WASF3: variants seen among roughly 807,000 people sequenced by gnomAD.
WASF3 encodes the protein WASP family member 3.
A neutral mutation model predicts 46.6 loss-of-function variants in WASF3; 11 were observed. The observed-to-expected ratio is 0.24, with a 90% CI of 0.15 to 0.39. WASF3 has a LOEUF of 0.39. Among genes scored for constraint, WASF3 ranks in the 10% least tolerant of loss-of-function variants. WASF3 has a pLI of 1.00. For missense variants in WASF3, 576 were observed against 669.8 expected (o/e 0.86, Z 1.55); for synonymous variants, 242 against 259.7 (o/e 0.93, Z 0.65).
chr13:26,672,559 A>T (rs9512324), intron 6 of WASF3, among the ~76,000 whole-genome samples: 1 of 151,926 alleles, frequency 6.6e-6, no homozygotes, highest in African/African-American at 2.4e-5. Flanking sequence ...GGAGAAGCCC[A>T]CTCTACTCAG....
At chr13:26,568,166 C>A (rs908763363) in intron 1 of WASF3, among the ~76,000 whole-genome samples, 2 of 152,122 alleles carry the variant, frequency 1.3e-5, no homozygotes, top group Middle Eastern at 3.4e-3. Context: ...GATGAAAAAC[C>A]ATTGCAAAGT....
intron 2 of WASF3, among the ~76,000 whole-genome samples, chr13:26,635,353 T>G (rs140219888): frequency 1.7e-3 from 262 of 152,354 alleles, no homozygotes; most frequent in African/African-American, 6.0e-3. Context: ...ATTTAAGTTC[T>G]TCTATACATT....
intron 3 of WASF3, among the ~76,000 whole-genome samples, chr13:26,663,463 A>G (rs1593177526): frequency 6.6e-6 from 1 of 152,360 alleles, no homozygotes; most frequent in South Asian, 2.1e-4. Flanking sequence ...GGGAATGGGA[A>G]CTGTTGACAG....
chr13:26,673,241 C>A (rs891101213), intron 6 of WASF3, among the ~76,000 whole-genome samples: 13 of 151,992 alleles, frequency 8.6e-5, no homozygotes, highest in African/African-American at 3.1e-4. Context: ...AATTTTTTGC[C>A]ACTCTTCTTG....
chr13:26,555,588 C>A (rs796499525), upstream of WASF3, among the ~76,000 whole-genome samples: 12 of 152,256 alleles, frequency 7.9e-5, no homozygotes, highest in African/African-American at 2.9e-4. Flanking sequence ...ATCTTTTGCC[C>A]TTTACCCATC....
intron 1 of WASF3, among the ~76,000 whole-genome samples, chr13:26,591,202 G>C (rs1250983536): frequency 6.6e-6 from 1 of 152,030 alleles, no homozygotes; most frequent in African/African-American, 2.4e-5. Flanking sequence ...AAGGAAGCAG[G>C]TCATGTGGCT....
intron 1 of WASF3, among the ~76,000 whole-genome samples, chr13:26,593,391 T>G (rs1297425661): frequency 6.6e-6 from 1 of 152,190 alleles, no homozygotes; most frequent in Non-Finnish European, 1.5e-5. Flanking sequence ...AATCATAAAG[T>G]GTCCACTCTG....
At chr13:26,557,446 C>T (rs1011757079), upstream of WASF3, among the ~76,000 whole-genome samples, 1 of 152,246 alleles carries the variant, frequency 6.6e-6, no homozygotes, top group Non-Finnish European at 1.5e-5. Context: ...GGAAAGGACG[C>T]TGCCTAAGCC....
rs887478662 is a variant in WASF3 at position 26,688,617 on chromosome 13, A to G, written c.*2772A>G. 6.6e-6 allele frequency: 1 copy of G among 152,246 alleles called. No individual in the cohort carries two copies. The highest frequency in any genetic ancestry group is 1.9e-4 in the East Asian group (1 of 5,204). The allele number at this position is 152,246 out of a possible 1,614,324, so 9.4% of individuals were successfully genotyped here. ...AAAAATTAACATTTTCATCTCAGTA[A>G]GTTTTTAGAACATCAAAATGTTTTC... is the stretch of plus-strand genomic sequence containing the variant. On this transcript the variant is annotated 3_prime_UTR_variant, in exon 10 of 10. Coordinates refer to ENST00000335327, the MANE Select transcript of WASF3 (RefSeq NM_006646.6).
chr13:26,663,378 A>G (rs1156448374), intron 3 of WASF3, among the ~76,000 whole-genome samples: 5 of 152,258 alleles, frequency 3.3e-5, no homozygotes, highest in Non-Finnish European at 7.3e-5. Context: ...GCAGCTAGTT[A>G]TAGTATTTTA....
At chr13:26,554,785 C>T (rs530083696), upstream of WASF3, among the ~76,000 whole-genome samples, 13 of 152,262 alleles carry the variant, frequency 8.5e-5, no homozygotes, top group Middle Eastern at 3.4e-3. Context: ...TTTGTTTATT[C>T]ATTCACCTTG....
At chr13:26,543,948 C>T in the WASF3 span, among the ~76,000 whole-genome samples, 3 of 152,088 alleles carry the variant, frequency 2.0e-5, no homozygotes, top group East Asian at 3.8e-4. Flanking sequence ...CATATAGGCT[C>T]GTTCCTTAAA....
chr13:26,652,996 TC>T (rs1169240084), intron 3 of WASF3, among the ~76,000 whole-genome samples: 2 of 152,244 alleles, frequency 1.3e-5, no homozygotes, highest in Non-Finnish European at 2.9e-5. Context: ...TTCATATCTT[TC>T]CACCTCGCAC....
chr13:26,649,573 C>T (rs1266007312), intron 3 of WASF3, among the ~76,000 whole-genome samples: 1 of 152,144 alleles, frequency 6.6e-6, no homozygotes, highest in Non-Finnish European at 1.5e-5. Context: ...AACAGAAAGC[C>T]TTGTGGGAAC....
At chr13:26,600,482 G>A (rs1331569592) in intron 1 of WASF3, among the ~76,000 whole-genome samples, 1 of 152,210 alleles carries the variant, frequency 6.6e-6, no homozygotes, top group African/African-American at 2.4e-5. Flanking sequence ...AGGCTCAGTA[G>A]CAGTGAAGTA....
intron 3 of WASF3, among the ~76,000 whole-genome samples, chr13:26,661,757 ACCAACACTT>A (rs1334071281): frequency 6.6e-6 from 1 of 152,170 alleles, no homozygotes; most frequent in Non-Finnish European, 1.5e-5. Flanking sequence ...CCACATTCTT[ACCAACACTT>A]TTCTGCGTTT....
upstream of WASF3, among the ~76,000 whole-genome samples, chr13:26,554,466 T>C (rs1879056690): frequency 6.6e-6 from 1 of 152,054 alleles, no homozygotes. Context: ...ATAAAGAACT[T>C]TTAAAAAAGA....
chr13:26,559,099 TAAAC>T (rs1879198576), intron 1 of WASF3, among the ~76,000 whole-genome samples: 1 of 152,242 alleles, frequency 6.6e-6, no homozygotes, highest in Non-Finnish European at 1.5e-5. Context: ...CTTGAGAGGT[TAAAC>T]AAACGAAAGC....
intron 1 of WASF3, among the ~76,000 whole-genome samples, chr13:26,589,173 C>T (rs1214053008): frequency 3.9e-5 from 6 of 152,128 alleles, no homozygotes; most frequent in African/African-American, 9.7e-5. Flanking sequence ...ATAGTTACTT[C>T]GTTCCTTTCT....
Sources: gnomAD v4.1 joint callset for allele counts (sites outside exome capture counted in the v4.1 genomes callset) on GRCh38, gnomAD v4.1.1 for gene constraint, MANE v1.5 for transcripts, NCBI Gene and HGNC (gene_info 2026-07-23, HGNC 2026-07-21) for gene names.